MACROD2: variants seen among roughly 807,000 people sequenced by gnomAD.
MACROD2 encodes the protein ADP-ribose glycohydrolase MACROD2.
In MACROD2, 36 loss-of-function variants were observed where a neutral mutation model predicts 70.4. The ratio of observed to expected loss-of-function variants is 0.51; its 90% CI spans 0.39 to 0.68. The LOEUF is 0.68. Ranked by LOEUF, MACROD2 falls within the 30% of genes least tolerant of loss-of-function variation. The pLI, the probability that MACROD2 is intolerant of heterozygous loss-of-function variation, is 0.00. For synonymous variants in MACROD2, 172 were observed against 178.8 expected (o/e 0.96, Z 0.30); for missense variants, 496 against 538.4 (o/e 0.92, Z 0.78).
At chr20:14,409,335 C>T (rs887311333) in intron 3 of MACROD2, among the ~76,000 whole-genome samples, 1 of 151,994 alleles carries the variant, frequency 6.6e-6, no homozygotes, top group African/African-American at 2.4e-5. Flanking sequence ...TCTCAATGCT[C>T]AGTAAGCTCT....
chr20:14,234,944 T>C (rs1437419203), intron 3 of MACROD2, among the ~76,000 whole-genome samples: 1 of 152,232 alleles, frequency 6.6e-6, no homozygotes, highest in Non-Finnish European at 1.5e-5. Flanking sequence ...CCGTTTATTA[T>C]GTTTTCAAAG....
chr20:15,297,964 T>C (rs578186805), intron 6 of MACROD2, among the ~76,000 whole-genome samples: 1 of 152,326 alleles, frequency 6.6e-6, no homozygotes, highest in African/African-American at 2.4e-5. Flanking sequence ...CCAGAAATAT[T>C]GTGCTGGATG....
chr20:14,491,285 T>C (rs543186332), intron 3 of MACROD2, among the ~76,000 whole-genome samples: 1 of 152,162 alleles, frequency 6.6e-6, no homozygotes, highest in African/African-American at 2.4e-5. Flanking sequence ...TTTTTTGTTA[T>C]TTTTTAGAGA....
At chr20:15,703,740 A>G (rs1467821416) in intron 8 of MACROD2, among the ~76,000 whole-genome samples, 1 of 152,214 alleles carries the variant, frequency 6.6e-6, no homozygotes, top group Non-Finnish European at 1.5e-5. Context: ...CTGAAGGCTC[A>G]GCTGGGTCTA....
rs1216812096 is a variant in MACROD2 at position 14,852,145 on chromosome 20, A to AG, written c.418+167188dup. 2.0e-5 allele frequency among the ~76,000 whole-genome samples: 3 copies of AG among 151,988 alleles called. No individual in the cohort carries two copies. The East Asian group carries it at 5.8e-4, about 29-fold the overall frequency. On this transcript the variant is annotated intron_variant, in intron 5 of 17. Transcript: ENST00000684519. ...TCCATGAGGGATGGGAGCAGGCGGG[A>AG]GGAGGAAGCGCAGGAGCCAGCTAAG...
intron 8 of MACROD2, among the ~76,000 whole-genome samples, chr20:15,613,429 G>T (rs560929677): frequency 1.3e-5 from 2 of 152,092 alleles, no homozygotes; most frequent in Non-Finnish European, 2.9e-5. Context: ...TGAAAAAGGT[G>T]GATAGCAGTA....
At chr20:14,081,311 T>C (rs2053991429) in intron 2 of MACROD2, among the ~76,000 whole-genome samples, 1 of 152,232 alleles carries the variant, frequency 6.6e-6, no homozygotes, top group South Asian at 2.1e-4. Flanking sequence ...CCCTGCTTGT[T>C]ATTGCTGTAT....
chr20:14,569,504 A>G (rs533177337), intron 4 of MACROD2, among the ~76,000 whole-genome samples: 2 of 152,040 alleles, frequency 1.3e-5, no homozygotes, highest in South Asian at 2.1e-4. Flanking sequence ...ATCCTCCACA[A>G]CCCAGCATCA....
intron 5 of MACROD2, among the ~76,000 whole-genome samples, chr20:14,722,552 G>A (rs1457098159): frequency 6.6e-6 from 1 of 152,108 alleles, no homozygotes; most frequent in Admixed American, 6.5e-5. Flanking sequence ...GGCACTTCCT[G>A]TGCTTTTCAC....
At position 14,468,920 on chromosome 20, in the gene MACROD2, T is replaced by C. The variant is rs183137418; in HGVS notation, c.272-24559T>C. Among the ~76,000 whole-genome samples the C allele has an allele frequency of 1.9e-3, 286 of 152,258 alleles. 2 individuals are homozygous for C. Among genetic ancestry groups the C allele is most frequent in the Non-Finnish European group, 3.2e-3 (220 of 68,020 alleles). On this transcript the variant is annotated intron_variant, in intron 3 of 17. Coordinates refer to ENST00000684519, the MANE Select transcript of MACROD2 (RefSeq NM_001351661.2). ...CAGCCTGTGTCTTTGAATTGGAGGA[T>C]TTAGCCCATTTACATTTAAGGTTAA... is the stretch of plus-strand genomic sequence containing the variant.
At chr20:16,003,070 C>T (rs1226923062) in intron 15 of MACROD2, among the ~76,000 whole-genome samples, 1 of 114,708 alleles carries the variant, frequency 8.7e-6, no homozygotes, top group Non-Finnish European at 1.7e-5. Flanking sequence ...AATAGAAAAC[C>T]CACCCACCCA....
intron 13 of MACROD2, among the ~76,000 whole-genome samples, chr20:15,973,002 G>A (rs1038852804): frequency 3.3e-5 from 5 of 151,980 alleles, no homozygotes; most frequent in Admixed American, 1.3e-4. Context: ...AGAAAGGCTT[G>A]TTTAGGTGAT....
intron 8 of MACROD2, among the ~76,000 whole-genome samples, chr20:15,653,058 CAAAAGTA>C (rs528226632): frequency 6.6e-6 from 1 of 152,186 alleles, no homozygotes. Flanking sequence ...TTAGAAAAGA[CAAAAGTA>C]AAACAAGTAC....
chr20:14,601,371 G>A (rs1982485427), intron 4 of MACROD2, among the ~76,000 whole-genome samples: 1 of 152,084 alleles, frequency 6.6e-6, no homozygotes, highest in Non-Finnish European at 1.5e-5. Context: ...ATGCCACCGG[G>A]GATATGACAG....
chr20:14,502,838 T>G (rs1490380913), intron 4 of MACROD2, among the ~76,000 whole-genome samples: 1 of 152,180 alleles, frequency 6.6e-6, no homozygotes, highest in Non-Finnish European at 1.5e-5. Flanking sequence ...AATCTGAGGA[T>G]TTTTCCTACA....
chr20:15,148,126 G>A (rs952151343), intron 5 of MACROD2, among the ~76,000 whole-genome samples: 3 of 151,724 alleles, frequency 2.0e-5, no homozygotes, highest in Non-Finnish European at 4.4e-5. Context: ...TTGGGGGGTG[G>A]TATGGAGAGA....
chr20:14,793,254 AT>A (rs1454654685), intron 5 of MACROD2, among the ~76,000 whole-genome samples: 12 of 152,030 alleles, frequency 7.9e-5, no homozygotes, highest in African/African-American at 2.9e-4. Context: ...AATTAAACAT[AT>A]ATAGTATTCA....
chr20:15,713,966 C>T (rs1436067551), intron 8 of MACROD2, among the ~76,000 whole-genome samples: 2 of 147,140 alleles, frequency 1.4e-5, no homozygotes, highest in East Asian at 4.2e-4. Context: ...TAGATGTGTT[C>T]TAGTAAACAC....
chr20:15,920,260 G>T (rs1270447148), intron 10 of MACROD2, among the ~76,000 whole-genome samples: 3 of 152,066 alleles, frequency 2.0e-5, no homozygotes, highest in African/African-American at 7.2e-5. Flanking sequence ...TTTTGCTTAG[G>T]CTGGTCCCGA....
Sources: allele counts gnomAD v4.1 joint callset (sites outside exome capture counted in the v4.1 genomes callset), GRCh38; gene constraint gnomAD v4.1.1; transcripts MANE v1.5; gene names NCBI Gene and HGNC (gene_info 2026-07-23, HGNC 2026-07-21).